The following PPP1R1C variants were observed in gnomAD, a reference collection of about 807,000 sequenced individuals.
PPP1R1C encodes the protein protein phosphatase 1 regulatory inhibitor subunit 1C, also known as protein phosphatase 1 regulatory subunit 1C.
In PPP1R1C, 15 loss-of-function variants were observed where a neutral mutation model predicts 17.4. That is an observed-to-expected ratio of 0.86 (90% CI 0.58 to 1.33). The LOEUF is 1.33. Among genes scored for constraint, PPP1R1C ranks in the 40% most tolerant of loss-of-function variants. PPP1R1C has a pLI of 0.00. For missense variants in PPP1R1C, 143 were observed against 130.0 expected (o/e 1.10, Z -0.48); for synonymous variants, 35 against 43.1 (o/e 0.81, Z 0.73).
intron 2 of PPP1R1C, among the ~76,000 whole-genome samples, chr2:182,043,286 A>AAGATTTAC (rs1296867999): frequency 1.1e-4 from 16 of 152,198 alleles, no homozygotes; most frequent in Admixed American, 2.6e-4. Context: ...ACAGATTTCC[A>AAGATTTAC]AAGAGTCTTG....
intron 2 of PPP1R1C, among the ~76,000 whole-genome samples, chr2:182,025,437 CTA>C (rs1686574132): frequency 7.2e-6 from 1 of 138,970 alleles, no homozygotes; most frequent in Non-Finnish European, 1.5e-5. Context: ...CAATTGCCAC[CTA>C]TGAGTGAGAA....
intron 2 of PPP1R1C, 142 bp downstream of exon 2, chr2:181,988,041 C>T (rs1464368739): frequency 6.4e-6 from 4 of 627,654 alleles, no homozygotes; most frequent in African/African-American, 3.8e-5. Context: ...TAAAATGGAT[C>T]GTAAACAGAA....
chr2:181,954,963 A>G (rs752389139), intron 1 of PPP1R1C, among the ~76,000 whole-genome samples: 3 of 152,172 alleles, frequency 2.0e-5, no homozygotes, highest in Non-Finnish European at 2.9e-5. Context: ...ATCCTAATTG[A>G]GGGCTGTCTC....
chr2:182,068,569 GT>G (rs2125202970), intron 4 of PPP1R1C, among the ~76,000 whole-genome samples: 1 of 152,276 alleles, frequency 6.6e-6, no homozygotes, highest in Admixed American at 6.5e-5. Context: ...GGCGTGTGAA[GT>G]TTATCTTCAA....
intron 2 of PPP1R1C, among the ~76,000 whole-genome samples, chr2:182,044,529 G>C (rs746078578): frequency 1.3e-5 from 2 of 151,990 alleles, no homozygotes; most frequent in Non-Finnish European, 2.9e-5. Context: ...CACCTTTGCT[G>C]GCCATCTCAG....
intron 2 of PPP1R1C, among the ~76,000 whole-genome samples, chr2:182,014,334 G>A (rs779178032): frequency 6.6e-6 from 1 of 151,990 alleles, no homozygotes; most frequent in Non-Finnish European, 1.5e-5. Context: ...AAAATCTGAG[G>A]GACTTTCCTA....
At chr2:182,060,744 A>G (rs1421569173) in intron 2 of PPP1R1C, among the ~76,000 whole-genome samples, 1 of 152,154 alleles carries the variant, frequency 6.6e-6, no homozygotes, top group Non-Finnish European at 1.5e-5. Context: ...CATAAGGATC[A>G]GGAAAGAGGA....
At chr2:182,119,854 G>A (rs1390070341), downstream of PPP1R1C, among the ~76,000 whole-genome samples, 2 of 152,128 alleles carry the variant, frequency 1.3e-5, no homozygotes, top group Non-Finnish European at 2.9e-5. Flanking sequence ...CATTTTGTAG[G>A]TTGCCTGTTC....
rs1421064141 is a variant in PPP1R1C, at chr2:181,985,970, G to A, written c.-141G>A. On this transcript the variant is annotated 5_prime_UTR_variant, in exon 1 of 5. Coordinates refer to ENST00000682840, the MANE Select transcript of PPP1R1C (RefSeq NM_001080545.3). This position sits in a 1 kb window ranked among gnomAD's most constrained non-coding sequence, Gnocchi z 4.1. ...TACTCAAACCTCGGCATCTTCACTTGCTCGATCTGGAATTACAGCTATTTA... is the reference window on the plus strand; with the variant it reads ...TACTCAAACCTCGGCATCTTCACTTACTCGATCTGGAATTACAGCTATTTA... The A allele has an allele frequency of 4.3e-6, 3 of 690,438 alleles. No homozygotes were observed. Among genetic ancestry groups the A allele is most frequent in the Non-Finnish European group, 5.1e-6 (2 of 390,980 alleles). The allele number at this position is 690,438 out of a possible 1,614,324, so 42.8% of individuals were successfully genotyped here.
intron 1 of PPP1R1C, among the ~76,000 whole-genome samples, chr2:181,970,088 ATC>A (rs1684977165): frequency 6.7e-6 from 1 of 149,910 alleles, no homozygotes; most frequent in Non-Finnish European, 1.5e-5. Flanking sequence ...CATATCACAT[ATC>A]TCTCTGTCTC....
chr2:182,012,502 A>T (rs1286614404), intron 2 of PPP1R1C, among the ~76,000 whole-genome samples: 1 of 151,852 alleles, frequency 6.6e-6, no homozygotes, highest in Non-Finnish European at 1.5e-5. Flanking sequence ...GTGTGTCTTT[A>T]TAGGTGAAGT....
At chr2:182,026,229 C>A (rs1686605744) in intron 2 of PPP1R1C, among the ~76,000 whole-genome samples, 1 of 105,476 alleles carries the variant, frequency 9.5e-6, no homozygotes, top group South Asian at 3.8e-4. Context: ...TCCCATTTGT[C>A]AATTTTGTCT....
intron 2 of PPP1R1C, among the ~76,000 whole-genome samples, chr2:182,000,016 A>G (rs77896076): frequency 2.4e-3 from 365 of 152,162 alleles, no homozygotes; most frequent in Non-Finnish European, 3.8e-3. Flanking sequence ...CTTCCCTTCC[A>G]TTTTAGTTCT....
chr2:182,077,134 C>T (rs982132729), intron 4 of PPP1R1C, among the ~76,000 whole-genome samples: 11 of 152,044 alleles, frequency 7.2e-5, no homozygotes, highest in African/African-American at 1.4e-4. Flanking sequence ...TAAATGAAAA[C>T]GAAAACTCTC....
chr2:182,043,202 T>A (rs1687237933), intron 2 of PPP1R1C, among the ~76,000 whole-genome samples: 2 of 152,214 alleles, frequency 1.3e-5, no homozygotes, highest in Admixed American at 1.3e-4. Context: ...TTCAAATTCA[T>A]GTGTGTGGAA....
At position 181,967,151 on chromosome 2, in the gene PPP1R1C, T is replaced by C. The variant is rs1291338898; in HGVS notation, n.112-8068T>C. 1.3e-5 allele frequency among the ~76,000 whole-genome samples: 2 copies of C among 152,160 alleles called. No homozygotes were observed. Among genetic ancestry groups the C allele is most frequent in the African/African-American group, 2.4e-5 (1 of 41,466 alleles). On this transcript the variant is annotated intron_variant and non_coding_transcript_variant, in intron 1 of 5. Coordinates refer to the PPP1R1C transcript ENST00000464264. The surrounding 1 kb of genome is among the most constrained non-coding windows in gnomAD (Gnocchi z 5.5). ...TTCTGTGTTATTTGTTGTAATGTCT[T>C]CTTTTTTGTCTCTGATTTTATTTAT...
At chr2:182,055,595 G>T (rs941356380) in intron 2 of PPP1R1C, among the ~76,000 whole-genome samples, 3 of 152,074 alleles carry the variant, frequency 2.0e-5, no homozygotes, top group African/African-American at 7.2e-5. Context: ...GGTGGATAAA[G>T]AAAAACTTTA....
chr2:181,981,153 C>T (rs889533902), upstream of PPP1R1C, among the ~76,000 whole-genome samples: 6 of 151,930 alleles, frequency 3.9e-5, no homozygotes, highest in African/African-American at 1.5e-4. Flanking sequence ...TGGTCTCGAT[C>T]TCCTGACCTC....
At chr2:182,094,248 T>C (rs1182053742) in intron 4 of PPP1R1C, among the ~76,000 whole-genome samples, 2 of 152,132 alleles carry the variant, frequency 1.3e-5, no homozygotes, top group Non-Finnish European at 2.9e-5. Flanking sequence ...AGAGACCCAT[T>C]TGCTATTACA....
Sources: allele counts gnomAD v4.1 joint callset (sites outside exome capture counted in the v4.1 genomes callset), GRCh38; gene constraint gnomAD v4.1.1; non-coding constraint Gnocchi (gnomAD v3.1); transcripts MANE v1.5; gene names NCBI Gene and HGNC (gene_info 2026-07-23, HGNC 2026-07-21).